SKI: variants seen among roughly 807,000 people sequenced by gnomAD.
The protein encoded by SKI is ski oncogene.
Under a neutral mutation model 59.3 loss-of-function variants are expected in SKI, and 23 were observed. That is an observed-to-expected ratio of 0.39 (90% CI 0.28 to 0.55). The LOEUF (loss-of-function observed/expected upper bound fraction) is 0.55, where lower values mean the gene tolerates loss of function less well. Ranked by LOEUF, SKI falls within the 20% of genes least tolerant of loss-of-function variation. SKI has a pLI of 0.67. For synonymous variants in SKI, 673 were observed against 488.6 expected (o/e 1.38, Z -4.98); for missense variants, 1,017 against 1,038.9 (o/e 0.98, Z 0.29).
At chr1:2,258,646 C>T (rs1639322500) in intron 1 of SKI, among the ~76,000 whole-genome samples, 1 of 151,986 alleles carries the variant, frequency 6.6e-6, no homozygotes, top group South Asian at 2.1e-4. Context: ...CCTCTGCCTC[C>T]CAGGTTCAAG....
chr1:2,290,705 A>G (rs1197719559), intron 1 of SKI, among the ~76,000 whole-genome samples: 1 of 152,112 alleles, frequency 6.6e-6, no homozygotes, highest in Non-Finnish European at 1.5e-5. Context: ...GAGATACTTC[A>G]CTGGTCTGAG....
intron 1 of SKI, among the ~76,000 whole-genome samples, chr1:2,293,134 C>T (rs758318712): frequency 1.3e-5 from 2 of 152,308 alleles, no homozygotes; most frequent in African/African-American, 2.4e-5. Flanking sequence ...CAGTAGGGCT[C>T]GGGCCTGAGC....
intron 1 of SKI, among the ~76,000 whole-genome samples, chr1:2,238,293 C>G (rs746783458): frequency 3.9e-5 from 6 of 152,252 alleles, no homozygotes; most frequent in Non-Finnish European, 8.8e-5. Flanking sequence ...GCCCGTGGCC[C>G]TCTTTTTTTA....
rs376571329 is a variant in SKI at position 2,238,451 on chromosome 1, G to C, written c.969+8716G>C. Among the ~76,000 whole-genome samples the C allele has an allele frequency of 2.3e-4, 35 of 152,366 alleles. No homozygotes were observed. In the East Asian group the frequency reaches 5.2e-3, roughly 23 times the overall value. Reference sequence around the variant, plus strand: ...GGCACCGGTTGGGCCTCTGGGCACAGGGTGCTCTGCCTCCATGGCCCTGAC... The same window carrying C: ...GGCACCGGTTGGGCCTCTGGGCACACGGTGCTCTGCCTCCATGGCCCTGAC... On this transcript the variant is annotated intron_variant, in intron 1 of 6. Coordinates refer to ENST00000378536, the MANE Select transcript of SKI (RefSeq NM_003036.4).
At chr1:2,243,853 G>A (rs573103523) in intron 1 of SKI, among the ~76,000 whole-genome samples, 2 of 152,272 alleles carry the variant, frequency 1.3e-5, no homozygotes, top group East Asian at 3.9e-4. Flanking sequence ...TGTTCACTCA[G>A]CTGGGATGAT....
At chr1:2,243,638 C>G (rs1330029964) in intron 1 of SKI, among the ~76,000 whole-genome samples, 7 of 152,162 alleles carry the variant, frequency 4.6e-5, no homozygotes. Flanking sequence ...GTCGGTCACG[C>G]CAGGCTGTCT....
chr1:2,238,254 C>A (rs758513867), intron 1 of SKI, among the ~76,000 whole-genome samples: 8 of 152,272 alleles, frequency 5.3e-5, no homozygotes, highest in Non-Finnish European at 1.0e-4. Flanking sequence ...TGAGAAGCCT[C>A]TGCGTGGCAG....
chr1:2,284,802 A>G (rs1399490939), intron 1 of SKI, among the ~76,000 whole-genome samples: 2 of 152,076 alleles, frequency 1.3e-5, no homozygotes, highest in Non-Finnish European at 2.9e-5. Flanking sequence ...ACGGGGGCCC[A>G]CCTTGGCCTG....
chr1:2,266,546 G>C (rs1639504561), intron 1 of SKI, among the ~76,000 whole-genome samples: 1 of 151,982 alleles, frequency 6.6e-6, no homozygotes, highest in Admixed American at 6.6e-5. Context: ...TGAATTTTGG[G>C]GACCACCGTC....
intron 1 of SKI, among the ~76,000 whole-genome samples, chr1:2,235,187 G>A (rs1337976576): frequency 6.6e-6 from 1 of 151,800 alleles, no homozygotes; most frequent in East Asian, 1.9e-4. Flanking sequence ...GATTACAGAT[G>A]TGTGCCACCA....
intron 1 of SKI, among the ~76,000 whole-genome samples, chr1:2,288,182 T>C (rs1474544908): frequency 6.6e-6 from 1 of 152,106 alleles, no homozygotes; most frequent in Non-Finnish European, 1.5e-5. Context: ...AGATGGGGTT[T>C]CTCCACATGG....
At chr1:2,241,738 A>T (rs1289508811) in intron 1 of SKI, among the ~76,000 whole-genome samples, 1 of 152,144 alleles carries the variant, frequency 6.6e-6, no homozygotes, top group Non-Finnish European at 1.5e-5. Flanking sequence ...ATCTTATTTC[A>T]TATTTAAGTG....
At chr1:2,253,803 C>G (rs991628373) in intron 1 of SKI, among the ~76,000 whole-genome samples, 2 of 152,162 alleles carry the variant, frequency 1.3e-5, no homozygotes, top group African/African-American at 2.4e-5. Context: ...TTGTGCCCCC[C>G]CTACCAGGGC....
intron 1 of SKI, among the ~76,000 whole-genome samples, chr1:2,239,920 C>G: frequency 6.6e-6 from 1 of 152,222 alleles, no homozygotes; most frequent in Non-Finnish European, 1.5e-5. Context: ...TTGCGGGTCC[C>G]CGTAACTTCA....
intron 1 of SKI, among the ~76,000 whole-genome samples, chr1:2,237,209 C>A (rs1249071184): frequency 6.6e-6 from 1 of 152,152 alleles, no homozygotes; most frequent in African/African-American, 2.4e-5. Flanking sequence ...CCGGGAAGTG[C>A]GTCAGGAGTG....
chr1:2,294,605 G>A (rs569197519), intron 1 of SKI, among the ~76,000 whole-genome samples: 8 of 152,392 alleles, frequency 5.2e-5, no homozygotes, highest in East Asian at 1.9e-4. Flanking sequence ...GTGGGTCCAC[G>A]TAGATGCCAG....
chr1:2,238,447 C>T (rs1638797662), intron 1 of SKI, among the ~76,000 whole-genome samples: 1 of 152,262 alleles, frequency 6.6e-6, no homozygotes, highest in African/African-American at 2.4e-5. Context: ...GGCCTCTGGG[C>T]ACAGGGTGCT....
chr1:2,293,958 G>T (rs1370055621), intron 1 of SKI, among the ~76,000 whole-genome samples: 3 of 152,268 alleles, frequency 2.0e-5, no homozygotes, highest in Non-Finnish European at 2.9e-5. Context: ...TGTGATGGGG[G>T]CCACTCTGGG....
chr1:2,265,238 G>C (rs1639476329), intron 1 of SKI, among the ~76,000 whole-genome samples: 2 of 152,212 alleles, frequency 1.3e-5, no homozygotes, highest in African/African-American at 4.8e-5. Flanking sequence ...TGTGTCTCCT[G>C]CGTCCCTCCT....
Sources: gnomAD v4.1 joint callset for allele counts (sites outside exome capture counted in the v4.1 genomes callset) on GRCh38, gnomAD v4.1.1 for gene constraint, MANE v1.5 for transcripts, NCBI Gene and HGNC (gene_info 2026-07-23, HGNC 2026-07-21) for gene names.